Variants in PPP2R2C observed in about 807,000 individuals in gnomAD.
PPP2R2C encodes protein phosphatase 2 regulatory subunit Bgamma.
Under a neutral mutation model 45.3 loss-of-function variants are expected in PPP2R2C, and 10 were observed. The ratio of observed to expected loss-of-function variants is 0.22; its 90% confidence interval spans 0.14 to 0.37. The LOEUF (loss-of-function observed/expected upper bound fraction) is 0.37, where lower values mean the gene tolerates loss of function less well. PPP2R2C is among the 10% of genes least tolerant of loss of function. The pLI, the probability that PPP2R2C is intolerant of heterozygous loss-of-function variation, is 1.00. For missense variants in PPP2R2C, 308 were observed against 619.7 expected (o/e 0.50, Z 5.34); for synonymous variants, 257 against 245.4 (o/e 1.05, Z -0.44).
chr4:6,548,246 G>T (rs1725060056), intron 1 of PPP2R2C, among the ~76,000 whole-genome samples: 1 of 151,690 alleles, frequency 6.6e-6, no homozygotes, highest in Non-Finnish European at 1.5e-5. Context: ...AGAAGAAGAA[G>T]AAGTCATAAT....
chr4:6,551,243 A>T (rs73796253), intron 1 of PPP2R2C, among the ~76,000 whole-genome samples: 2,837 of 152,312 alleles, frequency 0.019, 91 homozygotes, highest in African/African-American at 0.065. Context: ...GCCCCTGGCA[A>T]GTCACGAGTG....
chr4:6,372,690 A>G lies in PPP2R2C; in HGVS notation c.458T>C (p.Leu153Pro). Residue 153 changes from leucine (L) to proline (P), a missense_variant, in exon 5 of 9, where the codon CTG becomes CCG. Coordinates refer to ENST00000382599, the MANE Select transcript of PPP2R2C (RefSeq NM_020416.4). ...STVTSLQVPVLKPMDLMVEVS... is the reference protein window; with the variant it reads ...STVTSLQVPVPKPMDLMVEVS... Reference sequence around the variant, plus strand: ...CTCCACCATCAGATCCATGGGCTTCAGCACTGGCACCTGCAGAGGATGAGG... The same window carrying G: ...CTCCACCATCAGATCCATGGGCTTCGGCACTGGCACCTGCAGAGGATGAGG... 1 of 1,614,024 alleles carries G rather than the reference A, an allele frequency of 6.2e-7. No homozygotes were observed. Among genetic ancestry groups the G allele is most frequent in the Non-Finnish European group, 8.5e-7 (1 of 1,179,888 alleles).
At chr4:6,363,294 C>G (rs1433164547) in intron 5 of PPP2R2C, among the ~76,000 whole-genome samples, 1 of 152,132 alleles carries the variant, frequency 6.6e-6, no homozygotes, top group Non-Finnish European at 1.5e-5. Context: ...AATACTACCA[C>G]CAGGCCAGGT....
intron 2 of PPP2R2C, among the ~76,000 whole-genome samples, chr4:6,515,743 G>A (rs1723809470): frequency 6.6e-6 from 1 of 152,218 alleles, no homozygotes; most frequent in Admixed American, 6.5e-5. Flanking sequence ...CACTAAGTTA[G>A]GTGCTTGTAT....
At chr4:6,376,235 G>C (rs1453512534) in intron 3 of PPP2R2C, among the ~76,000 whole-genome samples, 1 of 152,180 alleles carries the variant, frequency 6.6e-6, no homozygotes, top group Non-Finnish European at 1.5e-5. Flanking sequence ...GACTACTACA[G>C]GAGTCAAAAC....
At chr4:6,377,487 G>A (rs867249780) in intron 3 of PPP2R2C, among the ~76,000 whole-genome samples, 1 of 151,970 alleles carries the variant, frequency 6.6e-6, no homozygotes, top group Non-Finnish European at 1.5e-5. Flanking sequence ...GTGAAACCCC[G>A]TCTCTACTAA....
chr4:6,458,253 G>A (rs1176853090), intron 1 of PPP2R2C, among the ~76,000 whole-genome samples: 1 of 152,310 alleles, frequency 6.6e-6, no homozygotes, highest in Non-Finnish European at 1.5e-5. Flanking sequence ...GAGTGGCTTA[G>A]TCTGTTCAGG....
chr4:6,369,908 C>T (rs1178407911), intron 5 of PPP2R2C, among the ~76,000 whole-genome samples: 2 of 150,510 alleles, frequency 1.3e-5, no homozygotes, highest in African/African-American at 5.0e-5. Flanking sequence ...CAGTGTGGGC[C>T]TGGGAGTAGA....
chr4:6,382,716 C>CAA (rs1560501830), intron 1 of PPP2R2C: 1 of 376,048 alleles, frequency 2.7e-6, no homozygotes, highest in African/African-American at 3.3e-5. Context: ...CACACACACA[C>CAA]CCCACATCCA....
chr4:6,508,430 C>CAA (rs1057220409), intron 2 of PPP2R2C, among the ~76,000 whole-genome samples: 1 of 150,872 alleles, frequency 6.6e-6, no homozygotes, highest in Admixed American at 6.6e-5. Flanking sequence ...ACTAAAAATA[C>CAA]AAAAAAAAAT....
intron 1 of PPP2R2C, among the ~76,000 whole-genome samples, chr4:6,449,321 G>A (rs1720610760): frequency 6.6e-6 from 1 of 152,166 alleles, no homozygotes; most frequent in Admixed American, 6.5e-5. Context: ...AGACCCCTGC[G>A]GCAGCTGCAG....
chr4:6,415,998 C>A (rs1472089325), intron 1 of PPP2R2C, among the ~76,000 whole-genome samples: 3 of 152,210 alleles, frequency 2.0e-5, no homozygotes, highest in Non-Finnish European at 2.9e-5. Context: ...GATCAGTGAC[C>A]AGCACCCCAG....
chr4:6,338,414 C>T (rs1038939917), intron 6 of PPP2R2C, among the ~76,000 whole-genome samples: 2 of 152,232 alleles, frequency 1.3e-5, no homozygotes, highest in Admixed American at 6.5e-5. Context: ...ATCCCTGGCT[C>T]AGGCCAAGGT....
intron 5 of PPP2R2C, among the ~76,000 whole-genome samples, chr4:6,366,544 A>G (rs562191565): frequency 1.4e-4 from 22 of 152,336 alleles, no homozygotes; most frequent in African/African-American, 5.3e-4. Flanking sequence ...AGGCTGTCAC[A>G]GTAACAAAAC....
intron 2 of PPP2R2C, among the ~76,000 whole-genome samples, chr4:6,529,865 G>A (rs890237215): frequency 1.3e-5 from 2 of 152,180 alleles, no homozygotes; most frequent in African/African-American, 2.4e-5. Context: ...CCATGACAAG[G>A]ATTCCCCCAG....
intron 6 of PPP2R2C, among the ~76,000 whole-genome samples, chr4:6,335,950 A>G (rs55855721): frequency 0.32 from 48,262 of 151,824 alleles, 8,454 homozygotes; most frequent in African/African-American, 0.46. Context: ...GCCTCTCCAC[A>G]GCCTCTGGTG....
chr4:6,325,907 C>T (rs528527015), intron 8 of PPP2R2C, among the ~76,000 whole-genome samples: 4 of 152,322 alleles, frequency 2.6e-5, no homozygotes, highest in South Asian at 4.1e-4. Flanking sequence ...CCTCGCCACC[C>T]GTGGCGCCTG....
intron 1 of PPP2R2C, chr4:6,381,511 A>G (rs756300895): frequency 3.3e-5 from 46 of 1,383,952 alleles, no homozygotes; most frequent in Non-Finnish European, 4.1e-5. Context: ...AGCCCTTCCC[A>G]ATATCTCCAT....
chr4:6,349,434 C>T (rs1282158435), intron 5 of PPP2R2C: 3 of 981,192 alleles, frequency 3.1e-6, no homozygotes, highest in African/African-American at 1.8e-5. Context: ...CCTTCACACA[C>T]TGCCTGATGC....
Sources: allele counts gnomAD v4.1 joint callset (sites outside exome capture counted in the v4.1 genomes callset), GRCh38; gene constraint gnomAD v4.1.1; transcripts MANE v1.5; gene names NCBI Gene and HGNC (gene_info 2026-07-23, HGNC 2026-07-21).